TACC2: variants seen among roughly 807,000 people sequenced by gnomAD.
TACC2 encodes the protein transforming acidic coiled-coil-containing protein 2.
TACC2 carries 137 observed loss-of-function variants against 227.3 expected under a neutral mutation model. The observed-to-expected ratio is 0.60, with a 90% confidence interval of 0.52 to 0.69. TACC2 has a LOEUF of 0.69. TACC2 is among the 30% of genes least tolerant of loss of function. TACC2 has a pLI of 0.00. For missense variants in TACC2, 3,470 were observed against 3,694.4 expected (o/e 0.94, Z 1.57); for synonymous variants, 1,523 against 1,487.5 (o/e 1.02, Z -0.55).
chr10:122,213,428 C>G (rs2095338485), intron 9 of TACC2: 2 of 1,595,616 alleles, frequency 1.3e-6, no homozygotes, highest in Non-Finnish European at 1.7e-6. Context: ...GCTTATTTTT[C>G]TGCCTTTTGT....
At chr10:122,178,766 A>G (rs2093848429) in intron 7 of TACC2, among the ~76,000 whole-genome samples, 1 of 152,132 alleles carries the variant, frequency 6.6e-6, no homozygotes, top group Admixed American at 6.5e-5. Context: ...CTGTAGTCCC[A>G]GCTACTCGGA....
chr10:122,038,763 G>C (rs1411009037), intron 2 of TACC2, among the ~76,000 whole-genome samples: 1 of 152,102 alleles, frequency 6.6e-6, no homozygotes, highest in Non-Finnish European at 1.5e-5. Flanking sequence ...CATTTCTAAA[G>C]CGCTAAGTAG....
intron 8 of TACC2, among the ~76,000 whole-genome samples, chr10:122,207,883 C>T (rs1187348957): frequency 2.0e-5 from 3 of 152,112 alleles, no homozygotes; most frequent in South Asian, 2.1e-4. Flanking sequence ...GCCTTGACGA[C>T]GGGATAGGCT....
chr10:122,108,882 C>T (rs966747613), intron 5 of TACC2, among the ~76,000 whole-genome samples: 6 of 152,130 alleles, frequency 3.9e-5, no homozygotes, highest in African/African-American at 9.6e-5. Context: ...TATAGGCACG[C>T]GCCACCACGC....
chr10:122,065,980 C>T (rs986409898), intron 3 of TACC2, among the ~76,000 whole-genome samples: 6 of 152,064 alleles, frequency 3.9e-5, no homozygotes, highest in Non-Finnish European at 7.4e-5. Flanking sequence ...CATAGTACAT[C>T]TTCCCCTTCT....
Position 122,211,212 on chromosome 10 carries a change from G to A in TACC2, c.6787G>A (p.Val2263Ile), listed in dbSNP as rs187285591. 3.7e-5 allele frequency: 60 copies of A among 1,614,062 alleles called. No individual in the cohort carries two copies. In the African/African-American group the frequency reaches 5.1e-4, roughly 14 times the overall value. The change falls in exon 9 of 23, where the codon GTA becomes ATA. Residue 2263 changes from valine to isoleucine, a missense_variant. By Grantham distance (29) the Val-to-Ile change is conservative. This residue lies in a region of TACC2 where 593 missense variants were observed against 636.6 expected (regional missense o/e 0.93). Coordinates refer to ENST00000369005, the MANE Select transcript of TACC2 (RefSeq NM_206862.4). ...QEDSPAKGLS[V>I]RLEFDYSEDK... ...GGACTCTCCAGCCAAAGGGCTCTCC[G>A]TAAGGCTGGAGTTTGACTATTCTGA...
At chr10:122,114,255 T>G (rs1345777440) in intron 5 of TACC2, among the ~76,000 whole-genome samples, 1 of 152,168 alleles carries the variant, frequency 6.6e-6, no homozygotes, top group African/African-American at 2.4e-5. Flanking sequence ...TCCCCATTCT[T>G]ACTTCTCTGA....
chr10:122,247,345 C>T (rs540705409), intron 19 of TACC2: 1 of 152,324 alleles, frequency 6.6e-6, no homozygotes, highest in East Asian at 1.9e-4. Flanking sequence ...GCCCCCTCCC[C>T]AGTGACGAGG....
At chr10:122,090,804 A>C (rs1241159887) in intron 5 of TACC2, among the ~76,000 whole-genome samples, 1 of 152,128 alleles carries the variant, frequency 6.6e-6, no homozygotes, top group East Asian at 1.9e-4. Flanking sequence ...GCTGGACTGC[A>C]GTGGCACAAT....
At chr10:122,249,224 G>A in intron 21 of TACC2, 68 bp downstream of exon 21, 3 of 1,219,762 alleles carry the variant, frequency 2.5e-6, no homozygotes, top group Non-Finnish European at 3.6e-6. Context: ...GGCAGGCTGG[G>A]ACCTCTGGCA....
At chr10:122,070,862 G>A (rs2077975488) in intron 3 of TACC2, among the ~76,000 whole-genome samples, 2 of 151,788 alleles carry the variant, frequency 1.3e-5, no homozygotes, top group Admixed American at 1.3e-4. Flanking sequence ...AGGCAGAGGT[G>A]GCAATGAGCT....
At chr10:122,002,193 G>A (rs926728503) in intron 1 of TACC2, among the ~76,000 whole-genome samples, 2 of 152,128 alleles carry the variant, frequency 1.3e-5, no homozygotes, top group Admixed American at 6.5e-5. Context: ...TCTTACAAGG[G>A]TACTAATCTC....
chr10:122,047,771 A>G (rs2075194910), intron 2 of TACC2, among the ~76,000 whole-genome samples: 1 of 152,150 alleles, frequency 6.6e-6, no homozygotes, highest in Non-Finnish European at 1.5e-5. Flanking sequence ...ATGGAAAGAT[A>G]CTGGCCCAGT....
intron 7 of TACC2, among the ~76,000 whole-genome samples, chr10:122,182,836 G>T (rs1486913574): frequency 6.6e-6 from 1 of 152,180 alleles, no homozygotes; most frequent in African/African-American, 2.4e-5. Context: ...TCAGGCGCAG[G>T]TAGAGTCAGA....
intron 5 of TACC2, chr10:122,088,839 G>T: frequency 7.8e-7 from 1 of 1,278,512 alleles, no homozygotes; most frequent in South Asian, 1.5e-5. Context: ...TAAAAAGTCA[G>T]TCTGGGTGCG....
At chr10:122,007,084 A>G (rs548474000) in intron 1 of TACC2, among the ~76,000 whole-genome samples, 3 of 147,998 alleles carry the variant, frequency 2.0e-5, no homozygotes, top group East Asian at 4.0e-4. Context: ...CTGGTCTCAA[A>G]CTCCCGACCT....
chr10:122,158,708 C>T (rs775552268), intron 7 of TACC2, among the ~76,000 whole-genome samples: 4 of 152,330 alleles, frequency 2.6e-5, no homozygotes, highest in Middle Eastern at 3.4e-3. Context: ...AAAGATGGGG[C>T]TTCACCGAAG....
At chr10:122,047,283 C>T (rs1341331089) in intron 2 of TACC2, among the ~76,000 whole-genome samples, 4 of 80,232 alleles carry the variant, frequency 5.0e-5, no homozygotes, top group Admixed American at 1.7e-4. Context: ...AGCGAGACTC[C>T]GTCTCAAAAA....
rs752680886 is a variant in TACC2, at chr10:122,249,616, G to A, written c.8733G>A (p.Arg2911=). The A allele has an allele frequency of 8.7e-6, 14 of 1,613,980 alleles. No homozygotes were observed. Among genetic ancestry groups the A allele is most frequent in the Middle Eastern group, 1.6e-4 (1 of 6,070 alleles). ...QEQAAHQASL[R]KEQLRVDALE... ...AAGCCGCCCACCAGGCCAGCCTGCGGAAGGAGCAGCTGCGAGTGGACGCCC... is the reference window on the plus strand; with the variant it reads ...AAGCCGCCCACCAGGCCAGCCTGCGAAAGGAGCAGCTGCGAGTGGACGCCC... Residue 2911 remains arginine, a synonymous_variant, in exon 22 of 23, where the codon CGG becomes CGA. Transcript: ENST00000369005.
Sources: allele counts gnomAD v4.1 joint callset (sites outside exome capture counted in the v4.1 genomes callset), GRCh38; gene constraint gnomAD v4.1.1; regional missense constraint gnomAD v4.1.1; transcripts MANE v1.5; gene names NCBI Gene and HGNC (gene_info 2026-07-23, HGNC 2026-07-21).